The following CRYBG1 variants were observed in gnomAD, a reference collection of about 807,000 sequenced individuals.
The protein encoded by CRYBG1 is crystallin beta-gamma domain containing 1.
Under a neutral mutation model 189.2 loss-of-function variants are expected in CRYBG1, and 139 were observed. That is an observed-to-expected ratio of 0.73 (90% CI 0.64 to 0.85). CRYBG1 has a LOEUF of 0.85. Among genes scored for constraint, CRYBG1 ranks in the 40% least tolerant of loss-of-function variants. The pLI, the probability that CRYBG1 is intolerant of heterozygous loss-of-function variation, is 0.00. For synonymous variants in CRYBG1, 1,023 were observed against 1,017.1 expected (o/e 1.01, Z -0.11); for missense variants, 2,611 against 2,675.8 (o/e 0.98, Z 0.53).
intron 1 of CRYBG1, among the ~76,000 whole-genome samples, chr6:106,392,915 TAG>T (rs1770535380): frequency 6.6e-6 from 1 of 151,996 alleles, no homozygotes; most frequent in Admixed American, 6.6e-5. Flanking sequence ...GCTAGGGTTA[TAG>T]GTGCGTGCCA....
chr6:106,445,140 G>A (rs748966385), intron 1 of CRYBG1, among the ~76,000 whole-genome samples: 1 of 152,140 alleles, frequency 6.6e-6, no homozygotes, highest in Non-Finnish European at 1.5e-5. Flanking sequence ...ATTACCATTG[G>A]CAACAAGAAA....
intron 13 of CRYBG1, among the ~76,000 whole-genome samples, chr6:106,550,584 T>C (rs900327316): frequency 6.6e-6 from 1 of 151,786 alleles, no homozygotes; most frequent in Non-Finnish European, 1.5e-5. Flanking sequence ...AGTATTTCTA[T>C]GAGTTTGCTC....
intron 3 of CRYBG1, among the ~76,000 whole-genome samples, chr6:106,516,525 C>T (rs1222429187): frequency 6.6e-6 from 1 of 152,216 alleles, no homozygotes; most frequent in East Asian, 1.9e-4. Flanking sequence ...TGAGCCACCA[C>T]ACCCAGCCAG....
intron 2 of CRYBG1, among the ~76,000 whole-genome samples, chr6:106,462,769 A>C (rs1772038909): frequency 6.6e-6 from 1 of 152,214 alleles, no homozygotes; most frequent in African/African-American, 2.4e-5. Flanking sequence ...CTTTGTGTAT[A>C]CTGGACTTGA....
chr6:106,418,653 T>A (rs1232585295), intron 1 of CRYBG1, among the ~76,000 whole-genome samples: 1 of 152,222 alleles, frequency 6.6e-6, no homozygotes, highest in African/African-American at 2.4e-5. Context: ...TAATTGTAGA[T>A]TCAGTAGATA....
chr6:106,411,912 G>A (rs959472674), intron 1 of CRYBG1, among the ~76,000 whole-genome samples: 12 of 152,202 alleles, frequency 7.9e-5, no homozygotes, highest in African/African-American at 2.9e-4. Flanking sequence ...GAGAGCAAGA[G>A]GTCCCAGCAA....
At chr6:106,519,066 T>C (rs1299287008) in intron 3 of CRYBG1, 65 bp from the exon 4 acceptor site, 4 of 1,494,652 alleles carry the variant, frequency 2.7e-6, no homozygotes, top group Non-Finnish European at 3.6e-6. Context: ...TTATAATTAA[T>C]TGGTTTGTGT....
chr6:106,438,305 A>G (rs1337168893), intron 1 of CRYBG1, among the ~76,000 whole-genome samples: 2 of 152,234 alleles, frequency 1.3e-5, no homozygotes, highest in Non-Finnish European at 2.9e-5. Flanking sequence ...TAGAATGCAC[A>G]TTCACGTTGG....
intron 1 of CRYBG1, among the ~76,000 whole-genome samples, chr6:106,426,185 A>G (rs536503939): frequency 1.3e-5 from 2 of 152,186 alleles, no homozygotes. Flanking sequence ...CTTTTCTCCT[A>G]TTGTTATGGA....
At chr6:106,484,829 GA>G (rs36105988) in intron 2 of CRYBG1, among the ~76,000 whole-genome samples, 1,851 of 149,578 alleles carry the variant, frequency 0.012, 36 homozygotes, top group African/African-American at 0.041. Flanking sequence ...CTACAATATG[GA>G]AAAAAAAAAT....
Position 106,512,118 on chromosome 6 carries a change from AG to A in CRYBG1, c.1002del (p.Gln334HisfsTer43). The A allele has an allele frequency of 6.5e-7, 1 of 1,534,484 alleles. No individual in the cohort carries two copies. The highest frequency in any genetic ancestry group is 8.7e-7 in the Non-Finnish European group (1 of 1,146,088). On this transcript the variant is annotated frameshift_variant, in exon 3 of 22. Transcript: ENST00000633556. LOFTEE classifies it high-confidence loss of function. ...GSLGPRNARS[Q>X]PPKGASDLPG... ...CTGGGGCCCCGCAACGCCCGCAGCC[AG>A]CCCCCCAAGGGCGCGTCTGATTTGC... is the stretch of plus-strand genomic sequence containing the variant.
At chr6:106,370,545 G>A (rs913474294) in intron 1 of CRYBG1, among the ~76,000 whole-genome samples, 2 of 152,140 alleles carry the variant, frequency 1.3e-5, no homozygotes, top group African/African-American at 4.8e-5. Context: ...AATGAATACA[G>A]GTTCCACCTT....
At chr6:106,546,421 C>A (rs1774266473) in intron 13 of CRYBG1, among the ~76,000 whole-genome samples, 1 of 152,196 alleles carries the variant, frequency 6.6e-6, no homozygotes, top group African/African-American at 2.4e-5. Context: ...TTTGAATCAT[C>A]CTAGCCTCAA....
At chr6:106,371,244 T>C (rs1770020631) in intron 1 of CRYBG1, among the ~76,000 whole-genome samples, 1 of 152,240 alleles carries the variant, frequency 6.6e-6, no homozygotes. Context: ...CATAAATATC[T>C]CATGAAAGCA....
intron 1 of CRYBG1, among the ~76,000 whole-genome samples, chr6:106,411,245 G>A (rs955961610): frequency 2.0e-5 from 3 of 152,054 alleles, no homozygotes; most frequent in Non-Finnish European, 4.4e-5. Flanking sequence ...ATTGGCTTTC[G>A]GGGCCATAAT....
At chr6:106,411,151 G>T (rs896755990) in intron 1 of CRYBG1, among the ~76,000 whole-genome samples, 1 of 152,220 alleles carries the variant, frequency 6.6e-6, no homozygotes, top group African/African-American at 2.4e-5. Context: ...TACATGATCA[G>T]AAAGCACCTG....
chr6:106,455,901 T>C (rs1278693303), intron 2 of CRYBG1, among the ~76,000 whole-genome samples: 1 of 152,132 alleles, frequency 6.6e-6, no homozygotes, highest in Non-Finnish European at 1.5e-5. Context: ...AAATTAAGCC[T>C]CTCCTTCCCC....
At chr6:106,498,405 C>T (rs536450876) in intron 2 of CRYBG1, among the ~76,000 whole-genome samples, 30 of 152,238 alleles carry the variant, frequency 2.0e-4, no homozygotes, top group African/African-American at 6.7e-4. Flanking sequence ...CAATCCGGAA[C>T]GCCATAATCC....
intron 1 of CRYBG1, among the ~76,000 whole-genome samples, chr6:106,389,377 C>A (rs993332885): frequency 6.6e-6 from 1 of 151,992 alleles, no homozygotes; most frequent in African/African-American, 2.4e-5. Context: ...TCGAGTTGGA[C>A]AACATTATGC....
Sources: allele counts gnomAD v4.1 joint callset (sites outside exome capture counted in the v4.1 genomes callset), GRCh38; gene constraint gnomAD v4.1.1; transcripts MANE v1.5; gene names NCBI Gene and HGNC (gene_info 2026-07-23, HGNC 2026-07-21).